Variants in GFPT2 observed in about 807,000 individuals in gnomAD.
GFPT2 encodes the protein glutamine--fructose-6-phosphate transaminase 2.
In GFPT2, 62 loss-of-function variants were observed where a neutral mutation model predicts 85.6. That is an observed-to-expected ratio of 0.72 (90% CI 0.59 to 0.90). GFPT2 has a LOEUF of 0.90. Ranked by LOEUF, GFPT2 falls within the 40% of genes least tolerant of loss-of-function variation. GFPT2 has a pLI of 0.00. For missense variants in GFPT2, 788 were observed against 893.4 expected, an observed-to-expected ratio of 0.88 and a Z score of 1.50; for synonymous variants, 368 against 344.5, an observed-to-expected ratio of 1.07 and a Z score of -0.75.
intron 1 of GFPT2, among the ~76,000 whole-genome samples, chr5:180,340,876 G>A (rs1247177896): frequency 6.6e-6 from 1 of 151,968 alleles, no homozygotes; most frequent in Admixed American, 6.6e-5. Context: ...TGACCTAATC[G>A]CCTCCCCAAG....
In GFPT2 at chr5:180,316,752, T is replaced by C; in HGVS notation, c.1152+12A>G. The C allele has an allele frequency of 6.3e-7, 1 of 1,586,054 alleles. No individual in the cohort carries two copies. Among genetic ancestry groups the C allele is most frequent in the East Asian group, 2.2e-5 (1 of 44,760 alleles). ...TGCCGTCGACTTCCCCACGCACATG[T>C]GTCACACTTACAGCCACGGCAGCGT... On this transcript the variant is annotated intron_variant, in intron 12 of 18. Coordinates refer to ENST00000253778, the MANE Select transcript of GFPT2 (RefSeq NM_005110.4).
At chr5:180,326,328 G>GT (rs748107460) in intron 7 of GFPT2, among the ~76,000 whole-genome samples, 6 of 151,266 alleles carry the variant, frequency 4.0e-5, no homozygotes, top group Non-Finnish European at 7.4e-5. Context: ...TAAGAGAGCT[G>GT]TTTCAAACAC....
chr5:180,305,611 C>G (rs1322760881), intron 16 of GFPT2, among the ~76,000 whole-genome samples: 1 of 152,196 alleles, frequency 6.6e-6, no homozygotes. Context: ...TGCCGGCCTC[C>G]CAGTGACCAG....
Position 180,301,478 on chromosome 5 carries a change from A to G in GFPT2, c.*86T>C. 2 of 1,149,016 alleles carry G rather than the reference A, an allele frequency of 1.7e-6. No individual in the cohort carries two copies. The highest frequency in any genetic ancestry group is 2.6e-6 in the Non-Finnish European group (2 of 756,796). The allele number at this position is 1,149,016 out of a possible 1,614,324, so 71.2% of individuals were successfully genotyped here. ...AGCACGCAGAACATGTGGGATGTCC[A>G]CTTCTCTTCCCATGTAGCATCCCTG... is the stretch of plus-strand genomic sequence containing the variant. On this transcript the variant is annotated 3_prime_UTR_variant, in exon 19 of 19. Transcript: ENST00000253778.
chr5:180,303,364 G>A (rs924893659), intron 17 of GFPT2, among the ~76,000 whole-genome samples: 3 of 152,218 alleles, frequency 2.0e-5, no homozygotes, highest in Admixed American at 1.3e-4. Flanking sequence ...TAAATGATGA[G>A]GGGACAACCC....
intron 1 of GFPT2, 84 bp downstream of exon 1, chr5:180,353,127 T>C: frequency 2.6e-6 from 3 of 1,148,842 alleles, no homozygotes; most frequent in Admixed American, 4.3e-5. Flanking sequence ...CGGCGCCTGC[T>C]TGCGGGCGGA....
chr5:180,333,257 T>C (rs768580890), intron 4 of GFPT2, among the ~76,000 whole-genome samples: 4 of 151,262 alleles, frequency 2.6e-5, no homozygotes, highest in Non-Finnish European at 5.9e-5. Context: ...TTTTCTGAGA[T>C]GGAGTCTCAC....
chr5:180,353,013 C>T, intron 1 of GFPT2, 198 bp downstream of exon 1: 1 of 403,276 alleles, frequency 2.5e-6, no homozygotes, highest in Non-Finnish European at 4.2e-6. Flanking sequence ...ACCCACACCT[C>T]CGAGACGGCC....
intron 4 of GFPT2, 114 bp downstream of exon 4, chr5:180,335,714 A>G: frequency 9.2e-7 from 1 of 1,089,314 alleles, no homozygotes; most frequent in Non-Finnish European, 1.3e-6. Flanking sequence ...TGGGAAGATG[A>G]AGTAGGCTGA....
intron 15 of GFPT2, among the ~76,000 whole-genome samples, chr5:180,312,136 GACCAGGGAGGCA>G (rs1763904268): frequency 1.6e-5 from 1 of 61,964 alleles, no homozygotes. Flanking sequence ...GGAGGCTGAG[GACCAGGGAGGCA>G]GGGAGGCTGA....
At chr5:180,331,083 A>C (rs1029241749) in intron 5 of GFPT2, 1 of 547,032 alleles carries the variant, frequency 1.8e-6, no homozygotes, top group Non-Finnish European at 3.2e-6. Context: ...AAATAACAGC[A>C]GTCAAAATGA....
rs997887661 is a variant in GFPT2, at chr5:180,330,012, C to T, written c.534+688G>A. On this transcript the variant is annotated intron_variant, in intron 6 of 18. Coordinates refer to ENST00000253778, the MANE Select transcript of GFPT2 (RefSeq NM_005110.4). This position sits in a 1 kb window ranked among gnomAD's most constrained non-coding sequence, Gnocchi z 4.4. ...CCATTCCGTTCCACATACAGACATG[C>T]TGTGATATCACCTATCACAAAAACA... Among the ~76,000 whole-genome samples the T allele has an allele frequency of 4.6e-5, 7 of 152,212 alleles. No homozygotes were observed. The highest frequency in any genetic ancestry group is 1.5e-5 in the Non-Finnish European group (1 of 68,042).
chr5:180,342,369 G>C (rs1484619826), intron 1 of GFPT2, among the ~76,000 whole-genome samples: 1 of 151,030 alleles, frequency 6.6e-6, no homozygotes, highest in Non-Finnish European at 1.5e-5. Context: ...AGTATATTCA[G>C]AGTTGTGCAA....
chr5:180,348,138 C>T (rs1347383718), intron 1 of GFPT2, among the ~76,000 whole-genome samples: 1 of 152,190 alleles, frequency 6.6e-6, no homozygotes, highest in Non-Finnish European at 1.5e-5. Context: ...AAGGGGCTGA[C>T]CTTTATAGTC....
chr5:180,340,893 C>G (rs1407740423), intron 1 of GFPT2, among the ~76,000 whole-genome samples: 1 of 152,172 alleles, frequency 6.6e-6, no homozygotes, highest in African/African-American at 2.4e-5. Context: ...CAAGGCCCCA[C>G]CTCCTAGTAA....
intron 10 of GFPT2, among the ~76,000 whole-genome samples, chr5:180,317,717 C>T (rs1764040855): frequency 8.8e-6 from 1 of 113,782 alleles, no homozygotes; most frequent in Non-Finnish European, 1.8e-5. Flanking sequence ...CGAGATCGCG[C>T]CACAGCACTC....
At chr5:180,326,251 C>T (rs1183137821) in intron 7 of GFPT2, among the ~76,000 whole-genome samples, 1 of 152,166 alleles carries the variant, frequency 6.6e-6, no homozygotes. Flanking sequence ...GGATGTGTGC[C>T]TTTCCCCTCT....
At chr5:180,352,804 C>T (rs982953816) in intron 1 of GFPT2, 5 of 311,428 alleles carry the variant, frequency 1.6e-5, no homozygotes, top group South Asian at 5.0e-5. Context: ...GCCCCGCACT[C>T]GGGATGCGCC....
In GFPT2 at chr5:180,318,760, G is replaced by T. The variant is rs78398793; in HGVS notation, c.958+33C>A. The stretch of plus-strand genomic sequence containing the variant: ...CTCCACCAGGCGCGCTGGCTCCCGA[G>T]GCTGCCGCACGTGGACTCTGGAGGA... On this transcript the variant is annotated intron_variant, in intron 10 of 18. Transcript: ENST00000253778. The surrounding 1 kb of genome is among the most constrained non-coding windows in gnomAD (Gnocchi z 4.2). 6.3e-7 allele frequency: 1 copy of T among 1,598,310 alleles called. No individual in the cohort carries two copies. Among genetic ancestry groups the T allele is most frequent in the Admixed American group, 1.7e-5 (1 of 59,848 alleles).
Sources: gnomAD v4.1 joint callset for allele counts (sites outside exome capture counted in the v4.1 genomes callset) on GRCh38, gnomAD v4.1.1 for gene constraint, Gnocchi (gnomAD v3.1) non-coding constraint, MANE v1.5 for transcripts, NCBI Gene and HGNC (gene_info 2026-07-23, HGNC 2026-07-21) for gene names.